The following DLG1 variants were observed in gnomAD, a reference collection of about 807,000 sequenced individuals.
DLG1 encodes discs large MAGUK scaffold protein 1.
A neutral mutation model predicts 123.4 loss-of-function variants in DLG1; 42 were observed. The observed-to-expected ratio is 0.34, with a 90% CI of 0.27 to 0.44. The LOEUF is 0.44. Among genes scored for constraint, DLG1 ranks in the 20% least tolerant of loss-of-function variants. The probability of loss-of-function intolerance (pLI) is 1.00; values close to 1 mark genes in which losing one functional copy is unlikely to be tolerated. For missense variants in DLG1, 942 were observed against 1,082.6 expected (o/e 0.87, Z 1.82); for synonymous variants, 317 against 356.2 (o/e 0.89, Z 1.24).
At chr3:197,102,707 G>A (rs1313936043) in intron 14 of DLG1, among the ~76,000 whole-genome samples, 2 of 152,022 alleles carry the variant, frequency 1.3e-5, no homozygotes, top group Non-Finnish European at 2.9e-5. Flanking sequence ...AAACCCCGTC[G>A]CTATTAAAAA....
intron 1 of DLG1, chr3:197,297,680 C>G (rs746792091): frequency 1.0e-6 from 1 of 989,130 alleles, no homozygotes; most frequent in Non-Finnish European, 1.2e-6. Flanking sequence ...TGCCTTTCTC[C>G]TTGCTCGCTG....
chr3:197,185,295 G>C (rs1005330172), intron 5 of DLG1, among the ~76,000 whole-genome samples: 2 of 152,132 alleles, frequency 1.3e-5, no homozygotes, highest in African/African-American at 2.4e-5. Context: ...ACAATGTTGA[G>C]GTCCACTGCA....
chr3:197,065,674 G>C (rs1739020961), intron 21 of DLG1, 34 bp downstream of exon 21: 3 of 1,416,732 alleles, frequency 2.1e-6, no homozygotes, highest in African/African-American at 2.8e-5. Flanking sequence ...AATGTTAAGA[G>C]TAACAATTAA....
chr3:197,115,371 C>CA (rs959494776), intron 13 of DLG1, among the ~76,000 whole-genome samples: 2,266 of 131,234 alleles, frequency 0.017, 21 homozygotes, highest in African/African-American at 0.039. Flanking sequence ...AATATCAAGC[C>CA]AAAAAAAAAA....
intron 5 of DLG1, among the ~76,000 whole-genome samples, chr3:197,157,777 C>A (rs947085623): frequency 6.6e-6 from 1 of 152,162 alleles, no homozygotes; most frequent in African/African-American, 2.4e-5. Context: ...GCTAACACTT[C>A]CTGATTCCAA....
intron 5 of DLG1, among the ~76,000 whole-genome samples, chr3:197,150,669 T>C (rs1001424686): frequency 2.6e-5 from 4 of 152,090 alleles, no homozygotes; most frequent in Non-Finnish European, 5.9e-5. Flanking sequence ...TCTACTTCAA[T>C]TACCTGAGGA....
intron 4 of DLG1, among the ~76,000 whole-genome samples, chr3:197,201,276 C>G (rs560574741): frequency 6.6e-6 from 1 of 152,076 alleles, no homozygotes; most frequent in Non-Finnish European, 1.5e-5. Context: ...CCCAGCTACT[C>G]GGGAGGCTGA....
intron 23 of DLG1, among the ~76,000 whole-genome samples, chr3:197,054,580 T>C (rs1361330541): frequency 1.3e-5 from 2 of 152,202 alleles, no homozygotes; most frequent in African/African-American, 4.8e-5. Flanking sequence ...CCTTTTGGTT[T>C]ATTTTTAGGT....
intron 4 of DLG1, among the ~76,000 whole-genome samples, chr3:197,281,060 C>T (rs562770271): frequency 1.4e-5 from 2 of 144,758 alleles, no homozygotes; most frequent in African/African-American, 2.5e-5. Context: ...TCTCGCTTAT[C>T]GCCAGTCTCG....
chr3:197,205,220 T>C (rs1244469156), intron 4 of DLG1, among the ~76,000 whole-genome samples: 2 of 152,002 alleles, frequency 1.3e-5, no homozygotes, highest in Non-Finnish European at 2.9e-5. Context: ...ACGAACAAAA[T>C]TGTGTTGTTA....
intron 4 of DLG1, among the ~76,000 whole-genome samples, chr3:197,259,308 G>C (rs914099011): frequency 2.0e-5 from 3 of 152,170 alleles, no homozygotes; most frequent in Non-Finnish European, 4.4e-5. Flanking sequence ...AACAGATAAT[G>C]GGCATGTCTG....
intron 19 of DLG1, among the ~76,000 whole-genome samples, chr3:197,068,849 T>C (rs6804448): frequency 0.41 from 62,954 of 151,936 alleles, 13,689 homozygotes; most frequent in East Asian, 0.74. Context: ...ATAAAGCTAA[T>C]GATAATTTAG....
At chr3:197,286,980 C>T (rs1479781750) in intron 3 of DLG1, among the ~76,000 whole-genome samples, 1 of 151,856 alleles carries the variant, frequency 6.6e-6, no homozygotes. Context: ...TCAACAAATC[C>T]TCCTACCTCA....
intron 4 of DLG1, among the ~76,000 whole-genome samples, chr3:197,274,517 C>CGATAA (rs1253837439): frequency 6.6e-6 from 1 of 151,756 alleles, no homozygotes; most frequent in Non-Finnish European, 1.5e-5. Flanking sequence ...CGACACGACA[C>CGATAA]GATACGATAC....
chr3:197,219,023 C>T (rs939081418), intron 4 of DLG1, among the ~76,000 whole-genome samples: 2 of 151,938 alleles, frequency 1.3e-5, no homozygotes, highest in South Asian at 4.2e-4. Context: ...CCAGCTACTC[C>T]GGAAGGCTGA....
In DLG1 at chr3:197,188,766, C is replaced by T. The variant is rs576475698; in HGVS notation, c.483+5659G>A. 2.6e-5 allele frequency among the ~76,000 whole-genome samples: 4 copies of T among 152,294 alleles called. No individual in the cohort carries two copies. In the South Asian group the frequency reaches 8.3e-4, roughly 32 times the overall value. On this transcript the variant is annotated intron_variant, in intron 5 of 24. Transcript: ENST00000667157. ...GAGACTACTAGTCTAATACTTGACACTGTATTTTAAATAAATTGTTGAGCT... is the reference window on the plus strand; with the variant it reads ...GAGACTACTAGTCTAATACTTGACATTGTATTTTAAATAAATTGTTGAGCT...
intron 18 of DLG1, chr3:197,069,862 T>C (rs1219880656): frequency 6.6e-6 from 1 of 152,186 alleles, no homozygotes; most frequent in African/African-American, 2.4e-5. Context: ...CAACTAATAT[T>C]AGAAGTCATA....
chr3:197,275,790 A>T (rs1211500706), intron 4 of DLG1, among the ~76,000 whole-genome samples: 2 of 152,210 alleles, frequency 1.3e-5, no homozygotes, highest in Non-Finnish European at 2.9e-5. Flanking sequence ...GGGTACAAAA[A>T]TACAATTAGA....
intron 23 of DLG1, among the ~76,000 whole-genome samples, chr3:197,056,996 T>C (rs1055165131): frequency 2.0e-5 from 3 of 152,242 alleles, no homozygotes; most frequent in African/African-American, 7.2e-5. Context: ...TCACAGAATG[T>C]TTCATTGTGA....
Sources: allele counts gnomAD v4.1 joint callset (sites outside exome capture counted in the v4.1 genomes callset), GRCh38; gene constraint gnomAD v4.1.1; transcripts MANE v1.5; gene names NCBI Gene and HGNC (gene_info 2026-07-23, HGNC 2026-07-21).